AFDN: variants seen among roughly 807,000 people sequenced by gnomAD.
AFDN encodes afadin.
Under a neutral mutation model 216.6 loss-of-function variants are expected in AFDN, and 68 were observed. The ratio of observed to expected loss-of-function variants is 0.31; its 90% CI spans 0.26 to 0.38. AFDN has a LOEUF of 0.38. Among genes scored for constraint, AFDN ranks in the 10% least tolerant of loss-of-function variants. The pLI, the probability that AFDN is intolerant of heterozygous loss-of-function variation, is 1.00. For missense variants in AFDN, 2,136 were observed against 2,342.0 expected (o/e 0.91, Z 1.82); for synonymous variants, 868 against 853.7 (o/e 1.02, Z -0.29).
chr6:167,916,959 T>A, intron 19 of AFDN, 130 bp from the exon 20 acceptor site: 2 of 800,728 alleles, frequency 2.5e-6, no homozygotes, highest in Non-Finnish European at 3.8e-6. Flanking sequence ...TGGAAGTCTG[T>A]TTCCTGAAAT....
chr6:167,840,987 CG>C (rs902188139), intron 1 of AFDN, among the ~76,000 whole-genome samples: 3 of 152,126 alleles, frequency 2.0e-5, no homozygotes, highest in African/African-American at 7.2e-5. Context: ...CGCTTGGAGG[CG>C]GGGCCTTCAG....
chr6:167,876,200 C>T (rs1167680476), intron 5 of AFDN, among the ~76,000 whole-genome samples: 1 of 152,088 alleles, frequency 6.6e-6, no homozygotes, highest in Non-Finnish European at 1.5e-5. Flanking sequence ...GAACGTTGGC[C>T]CACCCTAGTG....
At chr6:167,835,412 C>G (rs1294373859) in intron 1 of AFDN, among the ~76,000 whole-genome samples, 1 of 152,196 alleles carries the variant, frequency 6.6e-6, no homozygotes, top group African/African-American at 2.4e-5. Context: ...GTGACTAATT[C>G]AATTCACAAC....
At chr6:167,876,092 A>G (rs1444677292) in intron 5 of AFDN, among the ~76,000 whole-genome samples, 16 of 152,276 alleles carry the variant, frequency 1.1e-4, no homozygotes, top group Admixed American at 9.2e-4. Flanking sequence ...CATTGAATGC[A>G]TGGTCACTTG....
intron 1 of AFDN, among the ~76,000 whole-genome samples, chr6:167,850,882 TG>T (rs1554280581): frequency 1.2e-3 from 3 of 2,494 alleles, no homozygotes; most frequent in South Asian, 3.8e-3. Context: ...AATTTTTTAT[TG>T]TGTGTGTGTG....
At chr6:167,907,148 C>T (rs771944281) in intron 12 of AFDN, 23 bp from the exon 13 acceptor site, 25 of 1,590,040 alleles carry the variant, frequency 1.6e-5, no homozygotes, top group Middle Eastern at 1.7e-4. Flanking sequence ...GTTCTAAACC[C>T]GTTGTGCTTT....
chr6:167,964,852 C>T, intron 31 of AFDN: 1 of 1,065,624 alleles, frequency 9.4e-7, no homozygotes, highest in Non-Finnish European at 1.1e-6. Context: ...TTTCATCCCC[C>T]TTCTTATTTA....
chr6:167,885,187 C>T (rs1257781756), intron 6 of AFDN, among the ~76,000 whole-genome samples: 1 of 152,100 alleles, frequency 6.6e-6, no homozygotes, highest in Admixed American at 6.5e-5. Context: ...GGTCATCTAT[C>T]CAGACCATTC....
intron 1 of AFDN, among the ~76,000 whole-genome samples, chr6:167,859,795 A>G (rs200522874): frequency 7.4e-6 from 1 of 135,740 alleles, no homozygotes; most frequent in African/African-American, 2.7e-5. Flanking sequence ...TTTTTTTTTT[A>G]GTTTTGGATC....
At chr6:167,897,032 C>A in intron 10 of AFDN, 60 bp downstream of exon 10, 2 of 852,880 alleles carry the variant, frequency 2.3e-6, no homozygotes, top group African/African-American at 1.7e-5. Context: ...ACGTATTGTA[C>A]AGAGCCTGCC....
intron 11 of AFDN, among the ~76,000 whole-genome samples, chr6:167,900,760 G>T (rs1216186916): frequency 6.6e-6 from 1 of 152,220 alleles, no homozygotes; most frequent in Non-Finnish European, 1.5e-5. Context: ...TGGCAGAGAA[G>T]CTGGCCTGCT....
rs371804216 is a variant in AFDN at position 167,917,072 on chromosome 6, T to G, written c.2566-17T>G. On this transcript the variant is annotated splice_polypyrimidine_tract_variant and intron_variant, in intron 19 of 33. Transcript: ENST00000683244. ...TTTACAAGTGTGATATTTTATGTCC[T>G]TTATTCTTTTACATAGGCAACGACT... The G allele has an allele frequency of 6.2e-7, 1 of 1,609,794 alleles. No individual in the cohort carries two copies. The highest frequency in any genetic ancestry group is 8.5e-7 in the Non-Finnish European group (1 of 1,177,202).
rs2128435394 is a variant in AFDN, at chr6:167,907,260, G to A, written c.1740G>A (p.Gln580=). Residue 580 remains glutamine (Q), a synonymous_variant, in exon 13 of 34, where the codon CAG becomes CAA. Coordinates refer to ENST00000683244, the MANE Select transcript of AFDN (RefSeq NM_001386888.1). ...GMVKPMIRVE[Q]QPDYRRQESR... ...TGAAGCCGATGATCAGAGTAGAACAGCAGCCAGATTATCGCAGGCAAGAAA... is the reference window on the plus strand; with the variant it reads ...TGAAGCCGATGATCAGAGTAGAACAACAGCCAGATTATCGCAGGCAAGAAA... 6.2e-7 allele frequency: 1 copy of A among 1,613,992 alleles called. No homozygotes were observed. Among genetic ancestry groups the A allele is most frequent in the Non-Finnish European group, 8.5e-7 (1 of 1,179,900 alleles).
chr6:167,952,550 C>T, intron 30 of AFDN: 1 of 973,554 alleles, frequency 1.0e-6, no homozygotes, highest in Non-Finnish European at 1.2e-6. Flanking sequence ...TCTTCCAGGG[C>T]CAGATTGATA....
At chr6:167,883,219 G>A (rs539210933) in intron 6 of AFDN, among the ~76,000 whole-genome samples, 1 of 152,154 alleles carries the variant, frequency 6.6e-6, no homozygotes, top group South Asian at 2.1e-4. Context: ...AGTGCTGAAC[G>A]GCACACACTT....
intron 23 of AFDN, among the ~76,000 whole-genome samples, chr6:167,935,413 G>A (rs1793872326): frequency 1.3e-5 from 2 of 152,164 alleles, no homozygotes; most frequent in South Asian, 2.1e-4. Flanking sequence ...CTGTACTGCA[G>A]ATGTTCTCAG....
intron 23 of AFDN, 133 bp from the exon 24 acceptor site, chr6:167,942,996 A>T: frequency 1.6e-6 from 1 of 609,494 alleles, no homozygotes; most frequent in South Asian, 2.7e-5. Flanking sequence ...TTTCATGTAA[A>T]AATGAGAACC....
intron 1 of AFDN, among the ~76,000 whole-genome samples, chr6:167,837,572 T>G (rs982385502): frequency 3.3e-5 from 5 of 152,210 alleles, no homozygotes. Context: ...ATACATCACA[T>G]GTAGTGAACA....
intron 1 of AFDN, among the ~76,000 whole-genome samples, chr6:167,859,778 GTTGT>G (rs1161731610): frequency 5.1e-4 from 37 of 72,256 alleles, no homozygotes; most frequent in East Asian, 3.8e-3. Flanking sequence ...TTTTGTTATT[GTTGT>G]TTTTTTTTTT....
Sources: allele counts gnomAD v4.1 joint callset (sites outside exome capture counted in the v4.1 genomes callset), GRCh38; gene constraint gnomAD v4.1.1; transcripts MANE v1.5; gene names NCBI Gene and HGNC (gene_info 2026-07-23, HGNC 2026-07-21).